PPP1R9A: variants seen among roughly 807,000 people sequenced by gnomAD.
PPP1R9A encodes the protein neurabin-1.
A neutral mutation model predicts 141.9 loss-of-function variants in PPP1R9A; 59 were observed. The ratio of observed to expected loss-of-function variants is 0.42; its 90% CI spans 0.34 to 0.52. The LOEUF is 0.52. PPP1R9A is among the 20% of genes least tolerant of loss of function. The probability of loss-of-function intolerance (pLI) is 0.10; values close to 1 mark genes in which losing one functional copy is unlikely to be tolerated. For synonymous variants in PPP1R9A, 500 were observed against 569.7 expected, an observed-to-expected ratio of 0.88 and a Z score of 1.74; for missense variants, 1,444 against 1,611.9, an observed-to-expected ratio of 0.90 and a Z score of 1.78.
At chr7:95,238,648 CAGGGAAT>C (rs1797039095) in intron 8 of PPP1R9A, among the ~76,000 whole-genome samples, 1 of 152,146 alleles carries the variant, frequency 6.6e-6, no homozygotes, top group Non-Finnish European at 1.5e-5. Flanking sequence ...TCAAGAGAGA[CAGGGAAT>C]AGCTCATGTT....
intron 2 of PPP1R9A, among the ~76,000 whole-genome samples, chr7:95,077,661 C>T (rs1815065620): frequency 6.6e-6 from 1 of 152,086 alleles, no homozygotes. Context: ...AATATGTACA[C>T]CTCTTGTATA....
rs1372855514 is a variant in PPP1R9A at position 95,291,401 on chromosome 7, G to C, written c.*1098G>C. The C allele has an allele frequency of 1.3e-5, 2 of 152,182 alleles. No homozygotes were observed. The highest frequency in any genetic ancestry group is 3.8e-4 in the East Asian group (2 of 5,198). 9.4% of individuals were successfully genotyped at this position (152,182 alleles called of 1,614,324 possible). On this transcript the variant is annotated 3_prime_UTR_variant, in exon 20 of 20. Transcript: ENST00000433360. ...GAGGAAACTGTCAGTTAACATTTTA[G>C]AGAGATTTTGAATGGTTTTTCCGAA... is the stretch of plus-strand genomic sequence containing the variant.
At chr7:95,273,761 C>T (rs531027257) in intron 14 of PPP1R9A, 138 bp from the exon 15 acceptor site, 19 of 811,364 alleles carry the variant, frequency 2.3e-5, no homozygotes, top group Admixed American at 5.3e-5. Flanking sequence ...TCTCCTAGGT[C>T]GTATAAGAAG....
intron 5 of PPP1R9A, among the ~76,000 whole-genome samples, chr7:95,179,876 T>C (rs1833481543): frequency 1.3e-5 from 2 of 151,220 alleles, no homozygotes; most frequent in African/African-American, 4.9e-5. Context: ...AAATCATAGA[T>C]GACACAAACA....
chr7:95,127,151 T>C (rs1371946197), intron 4 of PPP1R9A, among the ~76,000 whole-genome samples: 1 of 152,198 alleles, frequency 6.6e-6, no homozygotes, highest in East Asian at 1.9e-4. Flanking sequence ...CTCACTCTTT[T>C]TAAAAACGTT....
chr7:95,217,329 T>C (rs1198614922), intron 7 of PPP1R9A, among the ~76,000 whole-genome samples: 1 of 152,190 alleles, frequency 6.6e-6, no homozygotes, highest in Non-Finnish European at 1.5e-5. Flanking sequence ...CACTTGATCA[T>C]GGTGGATAAG....
intron 2 of PPP1R9A, among the ~76,000 whole-genome samples, chr7:95,089,983 G>C (rs1817123215): frequency 6.6e-6 from 1 of 151,824 alleles, no homozygotes. Flanking sequence ...CAGACCCTCA[G>C]CCAAATGTCT....
chr7:95,029,984 C>T (rs967379540), intron 2 of PPP1R9A, among the ~76,000 whole-genome samples: 2 of 152,172 alleles, frequency 1.3e-5, no homozygotes, highest in African/African-American at 4.8e-5. Flanking sequence ...CTCGCCTTTG[C>T]AGTAGGATGA....
chr7:94,992,984 ACTTTTT>A (rs1801707236), intron 2 of PPP1R9A, among the ~76,000 whole-genome samples: 1 of 151,994 alleles, frequency 6.6e-6, no homozygotes, highest in African/African-American at 2.4e-5. Flanking sequence ...AATATATTCT[ACTTTTT>A]CTTCTAGATT....
At chr7:94,934,983 C>T (rs561945327) in intron 2 of PPP1R9A, among the ~76,000 whole-genome samples, 25 of 152,184 alleles carry the variant, frequency 1.6e-4, no homozygotes, top group African/African-American at 5.8e-4. Flanking sequence ...ACCAAGCCTT[C>T]CTAGTAGCTT....
intron 2 of PPP1R9A, among the ~76,000 whole-genome samples, chr7:94,931,832 C>T (rs1012300818): frequency 2.6e-5 from 4 of 152,204 alleles, no homozygotes; most frequent in African/African-American, 9.6e-5. Flanking sequence ...CCAGGCTTGG[C>T]CTCCCAAAGT....
chr7:94,916,780 A>G (rs1792125754), intron 2 of PPP1R9A, among the ~76,000 whole-genome samples: 1 of 152,060 alleles, frequency 6.6e-6, no homozygotes, highest in African/African-American at 2.4e-5. Context: ...CTTTTCTTGG[A>G]TAACTTTGAT....
rs561182740 is a variant in PPP1R9A, at chr7:95,045,421, T to A, written c.1396-65838T>A. Among the ~76,000 whole-genome samples, 13 of 152,362 alleles carry A rather than the reference T, an allele frequency of 8.5e-5. No individual in the cohort carries two copies. In the East Asian group the frequency reaches 1.9e-3, roughly 23 times the overall value. On this transcript the variant is annotated intron_variant, in intron 2 of 19. Coordinates refer to ENST00000433360, the MANE Select transcript of PPP1R9A (RefSeq NM_001166160.2). ...CATCTCTTAGGGTGGGCTGCCCGCA[T>A]GCGCAGTGGCCTGCTAACCCTTGGG...
intron 2 of PPP1R9A, among the ~76,000 whole-genome samples, chr7:95,034,848 G>A (rs1808224113): frequency 6.6e-6 from 1 of 152,004 alleles, no homozygotes; most frequent in South Asian, 2.1e-4. Context: ...CTATATTTTT[G>A]TTTAATCTTT....
intron 2 of PPP1R9A, among the ~76,000 whole-genome samples, chr7:94,977,962 C>T (rs2151295065): frequency 6.6e-6 from 1 of 152,004 alleles, no homozygotes; most frequent in East Asian, 1.9e-4. Context: ...GGGATTTCAC[C>T]ATATTGGCCA....
At chr7:95,236,024 C>T (rs918156998) in intron 8 of PPP1R9A, among the ~76,000 whole-genome samples, 2 of 152,136 alleles carry the variant, frequency 1.3e-5, no homozygotes, top group African/African-American at 4.8e-5. Flanking sequence ...TTAAAGACTA[C>T]ACATTGGGTA....
intron 8 of PPP1R9A, among the ~76,000 whole-genome samples, chr7:95,240,875 C>T (rs1797352222): frequency 6.6e-6 from 1 of 152,078 alleles, no homozygotes; most frequent in South Asian, 2.1e-4. Context: ...CCTTGATTTG[C>T]AGTATTTGTT....
intron 2 of PPP1R9A, among the ~76,000 whole-genome samples, chr7:95,054,273 G>A (rs1185267348): frequency 2.0e-5 from 3 of 148,980 alleles, no homozygotes; most frequent in South Asian, 2.1e-4. Flanking sequence ...CCACCACCAC[G>A]CCCAGCTAAT....
At chr7:94,976,344 C>CTTTT (rs11400551) in intron 2 of PPP1R9A, among the ~76,000 whole-genome samples, 2 of 137,148 alleles carry the variant, frequency 1.5e-5, no homozygotes, top group Non-Finnish European at 3.1e-5. Flanking sequence ...ATGTTTTATT[C>CTTTT]TTTTTTTTTT....
Sources: gnomAD v4.1 joint callset for allele counts (sites outside exome capture counted in the v4.1 genomes callset) on GRCh38, gnomAD v4.1.1 for gene constraint, MANE v1.5 for transcripts, NCBI Gene and HGNC (gene_info 2026-07-23, HGNC 2026-07-21) for gene names.